Variants in ANO2 observed in about 807,000 individuals in gnomAD.
ANO2 encodes anoctamin 2.
ANO2 carries 101 observed loss-of-function variants against 124.2 expected under a neutral mutation model. The ratio of observed to expected loss-of-function variants is 0.81; its 90% CI spans 0.69 to 0.96. The LOEUF is 0.96. ANO2 is among the 40% of genes least tolerant of loss of function. The probability of loss-of-function intolerance (pLI) is 0.00; values close to 1 mark genes in which losing one functional copy is unlikely to be tolerated. For missense variants in ANO2, 1,293 were observed against 1,274.5 expected (o/e 1.01, Z -0.22); for synonymous variants, 486 against 482.5 (o/e 1.01, Z -0.09).
intron 3 of ANO2, among the ~76,000 whole-genome samples, chr12:5,868,274 G>C (rs1435431785): frequency 1.3e-5 from 2 of 152,074 alleles, no homozygotes; most frequent in Non-Finnish European, 2.9e-5. Context: ...GGAGGCCAGG[G>C]GATGAAGGTC....
At chr12:5,618,838 T>G (rs1157856052) in intron 16 of ANO2, among the ~76,000 whole-genome samples, 1 of 152,210 alleles carries the variant, frequency 6.6e-6, no homozygotes, top group Non-Finnish European at 1.5e-5. Flanking sequence ...TTTTGCTCAC[T>G]GCCAAGTCTC....
intron 15 of ANO2, among the ~76,000 whole-genome samples, chr12:5,637,341 G>A (rs908424940): frequency 9.8e-6 from 1 of 101,716 alleles, no homozygotes; most frequent in Non-Finnish European, 2.1e-5. Context: ...GTGAGTGAAT[G>A]TGTGTGTGTG....
At chr12:5,624,965 C>G (rs534010565) in intron 16 of ANO2, among the ~76,000 whole-genome samples, 1 of 152,080 alleles carries the variant, frequency 6.6e-6, no homozygotes, top group Non-Finnish European at 1.5e-5. Context: ...TGGGCAAAGT[C>G]TTGATGGAGA....
At chr12:5,889,524 G>A (rs146348146) in intron 3 of ANO2, among the ~76,000 whole-genome samples, 119 of 152,356 alleles carry the variant, frequency 7.8e-4, no homozygotes, top group Non-Finnish European at 1.5e-3. Flanking sequence ...GTCCAGGAGC[G>A]CAGGTGAGGA....
intron 10 of ANO2, among the ~76,000 whole-genome samples, chr12:5,751,462 G>A (rs1309229967): frequency 6.6e-6 from 1 of 152,154 alleles, no homozygotes; most frequent in Non-Finnish European, 1.5e-5. Context: ...ACGACTAGAA[G>A]AAATCCAATA....
At chr12:5,835,654 G>C (rs1954290518) in intron 4 of ANO2, among the ~76,000 whole-genome samples, 1 of 152,200 alleles carries the variant, frequency 6.6e-6, no homozygotes, top group South Asian at 2.1e-4. Flanking sequence ...TAAAACCCCT[G>C]GCAAAGCCCG....
chr12:5,567,867 G>A (rs1941865338), intron 23 of ANO2, among the ~76,000 whole-genome samples: 1 of 152,214 alleles, frequency 6.6e-6, no homozygotes, highest in African/African-American at 2.4e-5. Flanking sequence ...ATAGCTCGAT[G>A]CAGATAGGCT....
intron 7 of ANO2, among the ~76,000 whole-genome samples, chr12:5,813,563 C>T (rs1953503023): frequency 6.6e-6 from 1 of 152,176 alleles, no homozygotes; most frequent in Admixed American, 6.5e-5. Context: ...TAATCACATG[C>T]AAAGAATTGC....
At chr12:5,732,077 C>A (rs559353337) in intron 14 of ANO2, among the ~76,000 whole-genome samples, 1 of 152,098 alleles carries the variant, frequency 6.6e-6, no homozygotes, top group African/African-American at 2.4e-5. Context: ...TTTTCATGAG[C>A]CTTCATTTAC....
At position 5,632,244 on chromosome 12, in the gene ANO2, C is replaced by A. The variant is rs576637048; in HGVS notation, c.1816+2908G>T. Among the ~76,000 whole-genome samples, 14 of 152,058 alleles carry A rather than the reference C, an allele frequency of 9.2e-5. No homozygotes were observed. In the East Asian group the frequency reaches 1.9e-3, roughly 21 times the overall value. ...AAGAGCAATGCCCCAGAACAATGCT[C>A]ACTGGGGTTCCTGATGGAGACCCAA... On this transcript the variant is annotated intron_variant, in intron 16 of 24. Transcript: ENST00000682330.
intron 14 of ANO2, among the ~76,000 whole-genome samples, chr12:5,668,119 G>C (rs1947823419): frequency 6.6e-6 from 1 of 152,124 alleles, no homozygotes; most frequent in African/African-American, 2.4e-5. Flanking sequence ...GATCTTTAAG[G>C]AATTTCCACA....
At chr12:5,824,487 G>T (rs1230002758) in intron 7 of ANO2, among the ~76,000 whole-genome samples, 2 of 152,116 alleles carry the variant, frequency 1.3e-5, no homozygotes, top group African/African-American at 4.8e-5. Context: ...CTTCACACCA[G>T]TTCCCAACAA....
rs1224844296 is a variant in ANO2 at position 5,922,698 on chromosome 12, G to C, written c.129C>G (p.Pro43=). ...AACCGCCCTGCAGACCTGGGGCCCG[G>C]GGACCTGGCATCTTGAGACACTGCT... ...HGQQCLKMPG[P]RAPGLQGGSN... The change falls in exon 2 of 25, where the codon CCC becomes CCG. Residue 43 remains proline (P), a synonymous_variant. Coordinates refer to ENST00000682330, the MANE Select transcript of ANO2 (RefSeq NM_001364791.2). The C allele has an allele frequency of 2.5e-6, 4 of 1,589,940 alleles. No individual in the cohort carries two copies. The highest frequency in any genetic ancestry group is 3.4e-6 in the Non-Finnish European group (4 of 1,169,728).
In ANO2 at chr12:5,787,583, G is replaced by T. The variant is rs962819958; in HGVS notation, c.1055+11924C>A. On this transcript the variant is annotated intron_variant, in intron 10 of 24. Transcript: ENST00000682330. This position sits in a 1 kb window ranked among gnomAD's most constrained non-coding sequence, Gnocchi z 4.2. ...TGAGGATGATAGTATCGATCTCGAC[G>T]GGGTGTTGTGAGTTAGCAAATGCCA... is the stretch of plus-strand genomic sequence containing the variant. Among the ~76,000 whole-genome samples, 2 of 152,106 alleles carry T rather than the reference G, an allele frequency of 1.3e-5. No individual in the cohort carries two copies. The highest frequency in any genetic ancestry group is 2.9e-5 in the Non-Finnish European group (2 of 68,014).
chr12:5,604,842 G>A (rs1396753070), intron 19 of ANO2, among the ~76,000 whole-genome samples: 1 of 151,884 alleles, frequency 6.6e-6, no homozygotes, highest in Non-Finnish European at 1.5e-5. Flanking sequence ...TTCAGATTAC[G>A]ATTCCGACCG....
intron 10 of ANO2, among the ~76,000 whole-genome samples, chr12:5,757,238 G>A (rs1354498330): frequency 1.3e-5 from 2 of 152,070 alleles, no homozygotes; most frequent in Non-Finnish European, 2.9e-5. Flanking sequence ...TGATGTCACT[G>A]TATTTCTTTA....
intron 23 of ANO2, among the ~76,000 whole-genome samples, chr12:5,571,919 G>A (rs977468440): frequency 4.6e-5 from 7 of 152,102 alleles, no homozygotes; most frequent in South Asian, 2.1e-4. Context: ...TCTAGGAAAC[G>A]CAGCCCCCAG....
chr12:5,867,860 G>C (rs1197934269), intron 3 of ANO2, among the ~76,000 whole-genome samples: 2 of 148,298 alleles, frequency 1.3e-5, no homozygotes, highest in Admixed American at 1.4e-4. Context: ...CAGCTGTCAA[G>C]AGCACTATGA....
At chr12:5,565,712 G>T in intron 23 of ANO2, 49 bp from the exon 24 acceptor site, 1 of 1,466,968 alleles carries the variant, frequency 6.8e-7, no homozygotes, top group Non-Finnish European at 9.2e-7. Flanking sequence ...ATGGAGAAAA[G>T]GGTGGTCATT....
Sources: gnomAD v4.1 joint callset for allele counts (sites outside exome capture counted in the v4.1 genomes callset) on GRCh38, gnomAD v4.1.1 for gene constraint, Gnocchi (gnomAD v3.1) non-coding constraint, MANE v1.5 for transcripts, NCBI Gene and HGNC (gene_info 2026-07-23, HGNC 2026-07-21) for gene names.